PTPRD: variants seen among roughly 807,000 people sequenced by gnomAD.
The protein encoded by PTPRD is protein tyrosine phosphatase receptor type D, also known as receptor-type tyrosine-protein phosphatase delta.
A neutral mutation model predicts 214.5 loss-of-function variants in PTPRD; 34 were observed. That is an observed-to-expected ratio of 0.16 (90% CI 0.12 to 0.21). The LOEUF is 0.21. Ranked by LOEUF, PTPRD falls within the 10% of genes least tolerant of loss-of-function variation. The probability of loss-of-function intolerance (pLI) is 1.00; values close to 1 mark genes in which losing one functional copy is unlikely to be tolerated. For synonymous variants in PTPRD, 1,128 were observed against 845.7 expected, an observed-to-expected ratio of 1.33 and a Z score of -5.79; for missense variants, 2,545 against 2,398.7, an observed-to-expected ratio of 1.06 and a Z score of -1.27.
chr9:9,385,376 GAA>G (rs775535828), intron 9 of PTPRD, among the ~76,000 whole-genome samples: 25 of 152,198 alleles, frequency 1.6e-4, no homozygotes, highest in Non-Finnish European at 2.5e-4. Flanking sequence ...TAAACAAGAG[GAA>G]AGTGAGATAA....
chr9:9,371,867 T>C (rs1336893446), intron 9 of PTPRD, among the ~76,000 whole-genome samples: 1 of 152,234 alleles, frequency 6.6e-6, no homozygotes, highest in Admixed American at 6.5e-5. Flanking sequence ...CATTTCGTTA[T>C]GTACCCAGTA....
intron 11 of PTPRD, among the ~76,000 whole-genome samples, chr9:8,927,779 C>T (rs1243815020): frequency 6.6e-6 from 1 of 152,150 alleles, no homozygotes; most frequent in Non-Finnish European, 1.5e-5. Context: ...TGAGGAATTG[C>T]CACACTGACT....
At chr9:8,546,626 G>C (rs1246270257) in intron 14 of PTPRD, among the ~76,000 whole-genome samples, 1 of 152,012 alleles carries the variant, frequency 6.6e-6, no homozygotes, top group African/African-American at 2.4e-5. Flanking sequence ...GGTCTCCCCA[G>C]TAGATGGGAT....
At chr9:10,502,341 A>G (rs1240540156) in intron 2 of PTPRD, among the ~76,000 whole-genome samples, 4 of 151,956 alleles carry the variant, frequency 2.6e-5, no homozygotes, top group African/African-American at 9.7e-5. Context: ...ATAAATCCAA[A>G]TTTAAGCAGT....
At chr9:8,611,398 G>A (rs1326646090) in intron 14 of PTPRD, among the ~76,000 whole-genome samples, 1 of 152,220 alleles carries the variant, frequency 6.6e-6, no homozygotes, top group Middle Eastern at 3.4e-3. Context: ...AGGATGGAAA[G>A]AAAGGGGAAT....
chr9:9,619,050 T>C (rs1161460604), intron 7 of PTPRD, among the ~76,000 whole-genome samples: 1 of 152,108 alleles, frequency 6.6e-6, no homozygotes, highest in Non-Finnish European at 1.5e-5. Flanking sequence ...TAAAAAAATA[T>C]GTGCTTTTGC....
intron 3 of PTPRD, among the ~76,000 whole-genome samples, chr9:10,069,466 C>T (rs895700301): frequency 1.3e-5 from 2 of 151,946 alleles, no homozygotes; most frequent in African/African-American, 4.8e-5. Context: ...TTCCAAACTG[C>T]CTGACCATTT....
intron 11 of PTPRD, among the ~76,000 whole-genome samples, chr9:8,932,963 C>A (rs7048403): frequency 0.12 from 18,141 of 152,022 alleles, 1,598 homozygotes; most frequent in East Asian, 0.44. Context: ...AATGGCTGCC[C>A]AGTTTTGTGC....
At chr9:9,427,442 G>T (rs1290161784) in intron 8 of PTPRD, among the ~76,000 whole-genome samples, 2 of 152,330 alleles carry the variant, frequency 1.3e-5, no homozygotes, top group Admixed American at 6.5e-5. Flanking sequence ...TCTGATTGGT[G>T]TACGTAAAAG....
At chr9:9,281,065 A>C (rs2133560736) in intron 9 of PTPRD, among the ~76,000 whole-genome samples, 1 of 151,450 alleles carries the variant, frequency 6.6e-6, no homozygotes, top group African/African-American at 2.4e-5. Flanking sequence ...CACATTAAAA[A>C]AAGAATTTAT....
intron 10 of PTPRD, among the ~76,000 whole-genome samples, chr9:9,030,714 C>G (rs914558505): frequency 6.6e-6 from 1 of 151,652 alleles, no homozygotes; most frequent in Non-Finnish European, 1.5e-5. Context: ...TTCTGTAGGA[C>G]CTTTATTGTT....
intron 7 of PTPRD, among the ~76,000 whole-genome samples, chr9:9,654,786 G>A (rs1311473583): frequency 6.6e-6 from 1 of 152,044 alleles, no homozygotes; most frequent in African/African-American, 2.4e-5. Context: ...CACACATCAG[G>A]TTTGTTTATT....
At chr9:10,051,624 C>T (rs1415228740) in intron 3 of PTPRD, among the ~76,000 whole-genome samples, 1 of 151,744 alleles carries the variant, frequency 6.6e-6, no homozygotes, top group Admixed American at 6.6e-5. Flanking sequence ...CAACAGTCCC[C>T]GGTGTGTGAT....
intron 2 of PTPRD, among the ~76,000 whole-genome samples, chr9:10,562,785 C>G (rs2064369042): frequency 6.6e-6 from 1 of 152,102 alleles, no homozygotes; most frequent in Non-Finnish European, 1.5e-5. Flanking sequence ...AGTTCCATTT[C>G]TGAGCCACCT....
In PTPRD at chr9:8,782,477, C is replaced by A. The variant is rs192332664; in HGVS notation, c.-103-48531G>T. ...CTATCTAACTGTAATTTTATATCCT[C>A]AATTTCTTTTCATCATATGGCTAAA... On this transcript the variant is annotated intron_variant, in intron 11 of 45. Coordinates refer to ENST00000381196, the MANE Select transcript of PTPRD (RefSeq NM_002839.4). Among the ~76,000 whole-genome samples, 7 of 152,212 alleles carry A rather than the reference C, an allele frequency of 4.6e-5. 1 individual carries two copies. In the East Asian group the frequency reaches 1.4e-3, roughly 29 times the overall value.
chr9:10,220,819 A>C (rs888244625), intron 3 of PTPRD, among the ~76,000 whole-genome samples: 1 of 151,920 alleles, frequency 6.6e-6, no homozygotes, highest in African/African-American at 2.4e-5. Flanking sequence ...TAAACTTATA[A>C]ATTTTATAAA....
intron 10 of PTPRD, among the ~76,000 whole-genome samples, chr9:9,037,803 G>C (rs761380698): frequency 9.9e-5 from 15 of 152,144 alleles, no homozygotes; most frequent in Non-Finnish European, 1.5e-4. Context: ...ACCAGGGCCA[G>C]ATTGTTGGAG....
intron 2 of PTPRD, among the ~76,000 whole-genome samples, chr9:10,479,645 A>ATAAG (rs2099084423): frequency 8.0e-6 from 1 of 125,288 alleles, no homozygotes; most frequent in African/African-American, 2.7e-5. Context: ...AAATAAATAA[A>ATAAG]TAAATAAATA....
chr9:10,486,734 A>C (rs1244925579), intron 2 of PTPRD, among the ~76,000 whole-genome samples: 1 of 152,174 alleles, frequency 6.6e-6, no homozygotes, highest in Non-Finnish European at 1.5e-5. Context: ...TGTGGTCTAT[A>C]CTTGAGAATG....
Sources: allele counts gnomAD v4.1 joint callset (sites outside exome capture counted in the v4.1 genomes callset), GRCh38; gene constraint gnomAD v4.1.1; transcripts MANE v1.5; gene names NCBI Gene and HGNC (gene_info 2026-07-23, HGNC 2026-07-21).